Variants in TMEM178B observed in about 807,000 individuals in gnomAD.
TMEM178B encodes the protein transmembrane protein 178B.
A neutral mutation model predicts 31.0 loss-of-function variants in TMEM178B; 5 were observed. The ratio of observed to expected loss-of-function variants is 0.16; its 90% CI spans 0.08 to 0.34. The LOEUF is 0.34. TMEM178B is among the 10% of genes least tolerant of loss of function. The pLI is 1.00. For missense variants in TMEM178B, 275 were observed against 400.3 expected (o/e 0.69, Z 2.67); for synonymous variants, 164 against 164.0 (o/e 1.00, Z 0.00).
At chr7:141,355,184 G>A (rs532356767) in intron 2 of TMEM178B, among the ~76,000 whole-genome samples, 3 of 152,254 alleles carry the variant, frequency 2.0e-5, no homozygotes, top group African/African-American at 4.8e-5. Flanking sequence ...TTCTAGGGCC[G>A]TCTCCAGCTT....
intron 3 of TMEM178B, among the ~76,000 whole-genome samples, chr7:141,451,632 T>C (rs906797609): frequency 1.2e-4 from 18 of 152,200 alleles, no homozygotes; most frequent in African/African-American, 4.3e-4. Flanking sequence ...TCATTATGCA[T>C]GGTACATGAA....
chr7:141,346,214 A>G (rs1799617679), intron 2 of TMEM178B, among the ~76,000 whole-genome samples: 1 of 152,000 alleles, frequency 6.6e-6, no homozygotes, highest in African/African-American at 2.4e-5. Context: ...GAGCGACTCC[A>G]TCTCAAGAAC....
intron 2 of TMEM178B, chr7:141,297,136 T>C (rs1798648132): frequency 6.6e-6 from 1 of 152,228 alleles, no homozygotes; most frequent in Non-Finnish European, 1.5e-5. Flanking sequence ...TGATGTATGT[T>C]TTCCTTAAAA....
intron 2 of TMEM178B, among the ~76,000 whole-genome samples, chr7:141,434,782 C>G (rs1427150888): frequency 6.6e-6 from 1 of 152,186 alleles, no homozygotes; most frequent in Non-Finnish European, 1.5e-5. Flanking sequence ...ACACCCGTCC[C>G]AGCCTCTGGT....
intron 1 of TMEM178B, among the ~76,000 whole-genome samples, chr7:141,143,852 G>A (rs1795812234): frequency 6.6e-6 from 1 of 152,132 alleles, no homozygotes; most frequent in Admixed American, 6.5e-5. Flanking sequence ...TCATGGGCAT[G>A]TAATGTTTTT....
chr7:141,479,014 C>A lies in TMEM178B; in HGVS notation c.*8228C>A, dbSNP rs1431749384. ...CCTGCTTAGTAAGAGGAGATGACCA[C>A]TCCTGTGGACTGCATGTCCCATCTG... is the stretch of plus-strand genomic sequence containing the variant. On this transcript the variant is annotated 3_prime_UTR_variant, in exon 4 of 4. Transcript: ENST00000565468. The A allele has an allele frequency of 6.6e-6, 1 of 152,318 alleles. No individual in the cohort carries two copies. Among genetic ancestry groups the A allele is most frequent in the Non-Finnish European group, 1.5e-5 (1 of 68,130 alleles). 9.4% of individuals were successfully genotyped at this position (152,318 alleles called of 1,614,324 possible).
intron 2 of TMEM178B, among the ~76,000 whole-genome samples, chr7:141,277,598 G>C (rs999022201): frequency 6.6e-6 from 1 of 152,140 alleles, no homozygotes; most frequent in African/African-American, 2.4e-5. Flanking sequence ...ACAGTAAAAA[G>C]TATAGTATAG....
the TMEM178B span, among the ~76,000 whole-genome samples, chr7:141,497,988 A>G: frequency 1.3e-5 from 2 of 152,126 alleles, no homozygotes; most frequent in Non-Finnish European, 2.9e-5. Context: ...GAGCTTGGGC[A>G]AGTTTTCTTA....
chr7:141,416,729 G>A (rs1455210025), intron 2 of TMEM178B, among the ~76,000 whole-genome samples: 1 of 152,172 alleles, frequency 6.6e-6, no homozygotes, highest in Admixed American at 6.5e-5. Flanking sequence ...GGCTTCGATA[G>A]CCTGCCACAG....
chr7:141,496,711 A>G, the TMEM178B span, among the ~76,000 whole-genome samples: 2 of 151,500 alleles, frequency 1.3e-5, no homozygotes, highest in African/African-American at 2.4e-5. Context: ...AGAAGGGAAA[A>G]GAAGACATGA....
intron 2 of TMEM178B, among the ~76,000 whole-genome samples, chr7:141,231,133 C>G (rs542800472): frequency 1.3e-5 from 2 of 152,320 alleles, no homozygotes; most frequent in East Asian, 3.9e-4. Flanking sequence ...GCTTGGGGAA[C>G]TCCCAAGAGG....
chr7:141,409,678 A>G (rs1047122953), intron 2 of TMEM178B, among the ~76,000 whole-genome samples: 25 of 151,752 alleles, frequency 1.6e-4, no homozygotes, highest in African/African-American at 6.0e-4. Flanking sequence ...GAGAACAGCA[A>G]GAGTTCCTCC....
chr7:141,204,268 G>A (rs900841431), intron 1 of TMEM178B, among the ~76,000 whole-genome samples: 2 of 152,178 alleles, frequency 1.3e-5, no homozygotes, highest in Non-Finnish European at 2.9e-5. Context: ...CAATTCCAGG[G>A]GGACCCTCTG....
chr7:141,096,021 G>A (rs1794954796), intron 1 of TMEM178B, among the ~76,000 whole-genome samples: 2 of 152,188 alleles, frequency 1.3e-5, no homozygotes, highest in South Asian at 4.1e-4. Context: ...ATCCTACAAG[G>A]CCACTACTGG....
At position 141,422,235 on chromosome 7, in the gene TMEM178B, C is replaced by T. The variant is rs745358494; in HGVS notation, c.497-15373C>T. Reference sequence around the variant, plus strand: ...TGACTTGCCTGGTGTTATTGCTCTCCGGGCCCTCCATGTGGTGGGGCCCAA... The same window carrying T: ...TGACTTGCCTGGTGTTATTGCTCTCTGGGCCCTCCATGTGGTGGGGCCCAA... On this transcript the variant is annotated intron_variant, in intron 2 of 3. Transcript: ENST00000565468. This position sits in a 1 kb window ranked among gnomAD's most constrained non-coding sequence, Gnocchi z 4.2. Among the ~76,000 whole-genome samples the T allele has an allele frequency of 6.6e-6, 1 of 152,196 alleles. No homozygotes were observed. Among genetic ancestry groups the T allele is most frequent in the Non-Finnish European group, 1.5e-5 (1 of 68,044 alleles).
At chr7:141,241,259 A>G (rs1797613912) in intron 2 of TMEM178B, among the ~76,000 whole-genome samples, 1 of 151,310 alleles carries the variant, frequency 6.6e-6, no homozygotes, top group South Asian at 2.1e-4. Flanking sequence ...TTCCTGGTTC[A>G]TCTCATCCTA....
At chr7:141,392,983 C>T (rs996731146) in intron 2 of TMEM178B, among the ~76,000 whole-genome samples, 1 of 152,080 alleles carries the variant, frequency 6.6e-6, no homozygotes, top group African/African-American at 2.4e-5. Flanking sequence ...ACAGGTTCTG[C>T]ATTCACCATC....
the TMEM178B span, among the ~76,000 whole-genome samples, chr7:141,494,311 A>G: frequency 6.6e-6 from 1 of 152,208 alleles, no homozygotes; most frequent in Admixed American, 6.5e-5. Context: ...AAGTTATAGA[A>G]AAGTTGATTC....
At chr7:141,189,815 T>C (rs755096569) in intron 1 of TMEM178B, among the ~76,000 whole-genome samples, 1 of 152,050 alleles carries the variant, frequency 6.6e-6, no homozygotes, top group Non-Finnish European at 1.5e-5. Flanking sequence ...GGGCTCTGAG[T>C]ACCAGAAACT....
Sources: allele counts gnomAD v4.1 joint callset (sites outside exome capture counted in the v4.1 genomes callset), GRCh38; gene constraint gnomAD v4.1.1; non-coding constraint Gnocchi (gnomAD v3.1); transcripts MANE v1.5; gene names NCBI Gene and HGNC (gene_info 2026-07-23, HGNC 2026-07-21).